PTH2R: variants seen among roughly 807,000 people sequenced by gnomAD.
The protein encoded by PTH2R is PTH2 receptor.
PTH2R carries 59 observed loss-of-function variants against 60.3 expected under a neutral mutation model. That is an observed-to-expected ratio of 0.98 (90% CI 0.79 to 1.22). The LOEUF is 1.22. Ranked by LOEUF, PTH2R falls within the 50% of genes most tolerant of loss-of-function variation. The probability of loss-of-function intolerance (pLI) is 0.00; values close to 1 mark genes in which losing one functional copy is unlikely to be tolerated. For missense variants in PTH2R, 749 were observed against 682.6 expected, an observed-to-expected ratio of 1.10 and a Z score of -1.08; for synonymous variants, 256 against 243.8, an observed-to-expected ratio of 1.05 and a Z score of -0.47.
At chr2:208,381,385 G>A (rs1363180458) in intron 1 of PTH2R, among the ~76,000 whole-genome samples, 1 of 151,952 alleles carries the variant, frequency 6.6e-6, no homozygotes, top group Non-Finnish European at 1.5e-5. Flanking sequence ...CTTTCATTAA[G>A]CTTATCATTT....
intron 10 of PTH2R, among the ~76,000 whole-genome samples, chr2:208,488,571 G>A (rs1366160643): frequency 1.3e-5 from 2 of 152,064 alleles, no homozygotes; most frequent in Non-Finnish European, 2.9e-5. Context: ...GCAATTACAG[G>A]GAGTGAGAAT....
intron 10 of PTH2R, among the ~76,000 whole-genome samples, chr2:208,483,711 A>C (rs1414935450): frequency 6.6e-6 from 1 of 152,230 alleles, no homozygotes; most frequent in Non-Finnish European, 1.5e-5. Flanking sequence ...AGAACAGTTT[A>C]GACTAATAGA....
intron 11 of PTH2R, 69 bp downstream of exon 11, chr2:208,489,219 C>A: frequency 6.3e-7 from 1 of 1,587,460 alleles, no homozygotes. Context: ...TCACTTACAA[C>A]CTTTTTCTCT....
chr2:208,395,142 G>A (rs1701183716), intron 1 of PTH2R, among the ~76,000 whole-genome samples: 2 of 151,972 alleles, frequency 1.3e-5, no homozygotes, highest in Admixed American at 1.3e-4. Flanking sequence ...CCACCTCCCA[G>A]GTTCAAGCCA....
At chr2:208,361,069 C>T (rs895811446) in intron 1 of PTH2R, 7 of 196,156 alleles carry the variant, frequency 3.6e-5, no homozygotes, top group Non-Finnish European at 7.6e-5. Context: ...ACACAGCTGC[C>T]GCCCACAGCA....
intron 8 of PTH2R, among the ~76,000 whole-genome samples, chr2:208,457,288 GA>G (rs1270699332): frequency 6.6e-6 from 1 of 152,156 alleles, no homozygotes; most frequent in Non-Finnish European, 1.5e-5. Flanking sequence ...TAAATAATGT[GA>G]AAAACAGATA....
At chr2:208,475,324 A>T (rs1272379742) in intron 9 of PTH2R, among the ~76,000 whole-genome samples, 2 of 152,184 alleles carry the variant, frequency 1.3e-5, no homozygotes, top group African/African-American at 4.8e-5. Flanking sequence ...CCTTTCTTAT[A>T]GTACATACAT....
intron 7 of PTH2R, among the ~76,000 whole-genome samples, chr2:208,449,813 A>G (rs1462286456): frequency 2.0e-5 from 3 of 152,332 alleles, no homozygotes; most frequent in Admixed American, 6.5e-5. Flanking sequence ...ATTTAAAGTT[A>G]TGCTTGATAA....
intron 1 of PTH2R, among the ~76,000 whole-genome samples, chr2:208,426,689 G>C (rs978525000): frequency 1.3e-5 from 2 of 152,110 alleles, no homozygotes; most frequent in Non-Finnish European, 2.9e-5. Flanking sequence ...CATTTCATCT[G>C]CTTGCACTCG....
intron 9 of PTH2R, among the ~76,000 whole-genome samples, chr2:208,462,770 G>A (rs972347757): frequency 2.6e-5 from 4 of 152,220 alleles, no homozygotes; most frequent in African/African-American, 9.7e-5. Flanking sequence ...TTCATCACAG[G>A]TTGGCAAGTG....
At chr2:208,393,797 G>A (rs773772980) in intron 1 of PTH2R, among the ~76,000 whole-genome samples, 4 of 152,172 alleles carry the variant, frequency 2.6e-5, no homozygotes, top group East Asian at 3.8e-4. Flanking sequence ...TTAAGATCCT[G>A]TAATGAGAAG....
intron 1 of PTH2R, 41 bp downstream of exon 1, chr2:208,407,159 T>C: frequency 2.2e-6 from 3 of 1,393,698 alleles, no homozygotes; most frequent in South Asian, 1.9e-5. Context: ...TCGCGGAGCC[T>C]CCGGCGGGGA....
chr2:208,431,309 CT>C (rs1262183974), intron 2 of PTH2R, among the ~76,000 whole-genome samples: 1 of 152,100 alleles, frequency 6.6e-6, no homozygotes, highest in African/African-American at 2.4e-5. Flanking sequence ...CAAATCTCTT[CT>C]TTTTTTCCTA....
At chr2:208,378,179 C>A (rs1288287808) in intron 1 of PTH2R, among the ~76,000 whole-genome samples, 1 of 151,798 alleles carries the variant, frequency 6.6e-6, no homozygotes, top group Non-Finnish European at 1.5e-5. Context: ...GAGACCAGCC[C>A]GGCCAACACA....
chr2:208,432,225 T>C (rs902513255), intron 2 of PTH2R, among the ~76,000 whole-genome samples: 11 of 152,236 alleles, frequency 7.2e-5, no homozygotes, highest in African/African-American at 2.7e-4. Flanking sequence ...TCAGTGTCCC[T>C]TTAACAGTTC....
intron 9 of PTH2R, among the ~76,000 whole-genome samples, chr2:208,472,844 T>A (rs1702915356): frequency 6.6e-6 from 1 of 152,044 alleles, no homozygotes; most frequent in South Asian, 2.1e-4. Context: ...CTCAAATAAC[T>A]TTTAAGTAGG....
At chr2:208,366,387 G>T (rs555076215) in intron 1 of PTH2R, among the ~76,000 whole-genome samples, 1 of 151,994 alleles carries the variant, frequency 6.6e-6, no homozygotes, top group South Asian at 2.1e-4. Context: ...CTCCTATCTG[G>T]AGATGCAGAA....
intron 9 of PTH2R, among the ~76,000 whole-genome samples, chr2:208,463,618 C>T (rs1380929724): frequency 1.3e-5 from 2 of 152,116 alleles, no homozygotes; most frequent in African/African-American, 2.4e-5. Context: ...TGCCACACAG[C>T]GCTGTAAGCA....
At chr2:208,440,098 T>G (rs1702152343) in intron 4 of PTH2R, among the ~76,000 whole-genome samples, 1 of 152,172 alleles carries the variant, frequency 6.6e-6, no homozygotes, top group Non-Finnish European at 1.5e-5. Context: ...AGAATGCAGA[T>G]GCTTAAAATA....
Sources: gnomAD v4.1 joint callset for allele counts (sites outside exome capture counted in the v4.1 genomes callset) on GRCh38, gnomAD v4.1.1 for gene constraint, MANE v1.5 for transcripts, NCBI Gene and HGNC (gene_info 2026-07-23, HGNC 2026-07-21) for gene names.